Variants in SGCZ observed in about 807,000 individuals in gnomAD.
The protein encoded by SGCZ is sarcoglycan zeta.
Under a neutral mutation model 41.3 loss-of-function variants are expected in SGCZ, and 40 were observed. The ratio of observed to expected loss-of-function variants is 0.97; its 90% CI spans 0.75 to 1.26. The LOEUF (loss-of-function observed/expected upper bound fraction) is 1.26. SGCZ is among the 50% of genes most tolerant of loss of function. SGCZ has a pLI of 0.00. For missense variants in SGCZ, 552 were observed against 369.8 expected (o/e 1.49, Z -4.04); for synonymous variants, 206 against 137.5 (o/e 1.50, Z -3.49).
chr8:14,882,942 G>A (rs1028421891), intron 1 of SGCZ, among the ~76,000 whole-genome samples: 5 of 151,820 alleles, frequency 3.3e-5, no homozygotes, highest in South Asian at 4.2e-4. Context: ...GATAACCACT[G>A]ATTTTTAATT....
At chr8:14,678,032 C>A (rs562182428) in intron 1 of SGCZ, among the ~76,000 whole-genome samples, 3 of 152,032 alleles carry the variant, frequency 2.0e-5, no homozygotes, top group Non-Finnish European at 2.9e-5. Context: ...GAATCCTTCA[C>A]AAAAATTAAT....
At chr8:14,767,615 C>A (rs1004372384) in intron 1 of SGCZ, among the ~76,000 whole-genome samples, 1 of 152,100 alleles carries the variant, frequency 6.6e-6, no homozygotes, top group African/African-American at 2.4e-5. Context: ...TTTTGGTGAA[C>A]CATTCTCTTT....
chr8:14,418,043 C>T (rs879543736), intron 2 of SGCZ, among the ~76,000 whole-genome samples: 2 of 151,750 alleles, frequency 1.3e-5, no homozygotes, highest in African/African-American at 4.8e-5. Flanking sequence ...GTTTCATAGG[C>T]TATGTCTGTC....
intron 7 of SGCZ, among the ~76,000 whole-genome samples, chr8:14,098,915 T>C (rs546114367): frequency 8.5e-5 from 13 of 152,250 alleles, no homozygotes; most frequent in African/African-American, 1.7e-4. Flanking sequence ...CATAATGGTG[T>C]TCTCTGGTTC....
At chr8:14,909,027 T>A (rs1007475964) in intron 1 of SGCZ, among the ~76,000 whole-genome samples, 2 of 152,192 alleles carry the variant, frequency 1.3e-5, no homozygotes, top group Non-Finnish European at 2.9e-5. Flanking sequence ...AAATCGGGAC[T>A]CTAATGATGA....
chr8:14,526,449 T>C (rs1428933565), intron 2 of SGCZ, among the ~76,000 whole-genome samples: 1 of 152,122 alleles, frequency 6.6e-6, no homozygotes, highest in Non-Finnish European at 1.5e-5. Context: ...CATGGGAAAT[T>C]ATAAACATAC....
At chr8:14,473,300 T>C (rs1801263694) in intron 2 of SGCZ, among the ~76,000 whole-genome samples, 1 of 152,156 alleles carries the variant, frequency 6.6e-6, no homozygotes, top group Non-Finnish European at 1.5e-5. Flanking sequence ...TTTTTATGTA[T>C]AAGATTATTA....
At chr8:14,373,855 T>G (rs78542207) in intron 2 of SGCZ, among the ~76,000 whole-genome samples, 4,815 of 152,184 alleles carry the variant, frequency 0.032, 268 homozygotes, top group African/African-American at 0.11. Context: ...ATTCTAGATC[T>G]CTGAGAAATA....
intron 1 of SGCZ, among the ~76,000 whole-genome samples, chr8:14,717,996 G>GATATATATATACAT: frequency 6.9e-6 from 1 of 145,002 alleles, no homozygotes; most frequent in Admixed American, 6.9e-5. Context: ...TCTAAAATAA[G>GATATATATATACAT]ATATATATAT....
At chr8:14,712,247 C>G (rs942149916) in intron 1 of SGCZ, among the ~76,000 whole-genome samples, 2 of 152,226 alleles carry the variant, frequency 1.3e-5, no homozygotes, top group African/African-American at 4.8e-5. Flanking sequence ...TTCCCCCTCT[C>G]CCTCCTTCAG....
chr8:14,532,031 A>G (rs927659607), intron 2 of SGCZ, among the ~76,000 whole-genome samples: 32 of 152,240 alleles, frequency 2.1e-4, no homozygotes, highest in African/African-American at 7.0e-4. Flanking sequence ...TGGTTTCAAA[A>G]TAGAAAATCA....
At chr8:14,873,628 T>C (rs1213027651) in intron 1 of SGCZ, among the ~76,000 whole-genome samples, 1 of 152,078 alleles carries the variant, frequency 6.6e-6, no homozygotes, top group Non-Finnish European at 1.5e-5. Context: ...GAACAGAGTA[T>C]CTACAATCAA....
intron 1 of SGCZ, among the ~76,000 whole-genome samples, chr8:15,065,321 A>G (rs893648546): frequency 6.6e-6 from 1 of 152,006 alleles, no homozygotes; most frequent in African/African-American, 2.4e-5. Flanking sequence ...TTCCATGTTA[A>G]AATTCCTTCC....
chr8:14,235,672 T>C (rs1237355445), intron 4 of SGCZ, among the ~76,000 whole-genome samples: 2 of 152,108 alleles, frequency 1.3e-5, no homozygotes, highest in Non-Finnish European at 2.9e-5. Context: ...CATGGGTATA[T>C]ATTCTTGGTG....
At chr8:14,094,355 T>G (rs1008537714) in intron 7 of SGCZ, among the ~76,000 whole-genome samples, 1 of 152,038 alleles carries the variant, frequency 6.6e-6, no homozygotes, top group Non-Finnish European at 1.5e-5. Context: ...GTATTCTCAT[T>G]GTTCAACTCC....
intron 1 of SGCZ, among the ~76,000 whole-genome samples, chr8:14,969,449 C>T (rs996340049): frequency 3.3e-5 from 5 of 151,956 alleles, no homozygotes; most frequent in African/African-American, 7.2e-5. Flanking sequence ...CAACTACAGC[C>T]GTATCACCAC....
chr8:14,342,619 G>A (rs1441162551), intron 2 of SGCZ, among the ~76,000 whole-genome samples: 1 of 152,114 alleles, frequency 6.6e-6, no homozygotes, highest in Non-Finnish European at 1.5e-5. Context: ...CCAGCCTGGT[G>A]GAAGAAATTT....
At chr8:14,687,043 A>G (rs1224335354) in intron 1 of SGCZ, among the ~76,000 whole-genome samples, 1 of 151,538 alleles carries the variant, frequency 6.6e-6, no homozygotes, top group African/African-American at 2.4e-5. Flanking sequence ...AAAATTCTCT[A>G]CTTTGGGCCC....
At chr8:14,158,903 G>T (rs1803958646) in intron 5 of SGCZ, among the ~76,000 whole-genome samples, 1 of 151,912 alleles carries the variant, frequency 6.6e-6, no homozygotes, top group Non-Finnish European at 1.5e-5. Context: ...CGAGTAGCTG[G>T]GACTACAGGT....
Sources: allele counts gnomAD v4.1 joint callset (sites outside exome capture counted in the v4.1 genomes callset), GRCh38; gene constraint gnomAD v4.1.1; transcripts MANE v1.5; gene names NCBI Gene and HGNC (gene_info 2026-07-23, HGNC 2026-07-21).